The following TIGD1 variants were observed in gnomAD, a reference collection of about 807,000 sequenced individuals.
TIGD1 encodes tigger transposable element-derived protein 1.
In TIGD1, 20 loss-of-function variants were observed where a neutral mutation model predicts 21.3. That is an observed-to-expected ratio of 0.94 (90% CI 0.66 to 1.36). The LOEUF is 1.36. TIGD1 is among the 40% of genes most tolerant of loss of function. TIGD1 has a pLI of 0.00. For missense variants in TIGD1, 556 were observed against 350.5 expected (o/e 1.59, Z -4.68); for synonymous variants, 177 against 123.2 (o/e 1.44, Z -2.89).
chr2:232,545,037 C>T lies in TIGD1; in HGVS notation c.*3070G>A, dbSNP rs979695455. The T allele has an allele frequency of 8.9e-7, 1 of 1,121,942 alleles. No individual in the cohort carries two copies. The highest frequency in any genetic ancestry group is 2.0e-5 in the Admixed American group (1 of 50,160). 69.5% of individuals were successfully genotyped at this position (1,121,942 alleles called of 1,614,324 possible). On this transcript the variant is annotated 3_prime_UTR_variant, in exon 1 of 1. Coordinates refer to ENST00000408957, the MANE Select transcript of TIGD1 (RefSeq NM_145702.4). Reference sequence around the variant, plus strand: ...TGAGGCCGGGTGCAGTGGGTCACACCTGTAATCCCAGTACTTTGGGAGGCC... The same window carrying T: ...TGAGGCCGGGTGCAGTGGGTCACACTTGTAATCCCAGTACTTTGGGAGGCC...
rs1203732952 is a variant in TIGD1, at chr2:232,548,303, A to T, written c.1580T>A (p.Ile527Asn). ...ATGAAAGATTTCTCTGTAGCATGCG[A>T]TGCTGTTTGATAGCATTTTGCCCAC... ...STVGKMLSNS[I>N]ACYREIFHER... Residue 527 changes from isoleucine (I) to asparagine (N), a missense_variant, in exon 1 of 1, where the codon ATC becomes AAC. Physicochemically the swap from Ile to Asn is moderately radical, Grantham distance 149 (BLOSUM62 -3). Transcript: ENST00000408957. 1.3e-6 allele frequency: 2 copies of T among 1,514,164 alleles called. No homozygotes were observed. Among genetic ancestry groups the T allele is most frequent in the Non-Finnish European group, 1.8e-6 (2 of 1,132,010 alleles). The allele number at this position is 1,514,164 out of a possible 1,614,324, so 93.8% of individuals were successfully genotyped here.
At position 232,544,653 on chromosome 2, in the gene TIGD1, G is replaced by A; in HGVS notation, c.*3454C>T. Reference sequence around the variant, plus strand: ...AGCTGGGGAGCCAGGCACAGCAGATGAGTGCTGGAGAAGTGCCCAGGTCAG... The same window carrying A: ...AGCTGGGGAGCCAGGCACAGCAGATAAGTGCTGGAGAAGTGCCCAGGTCAG... On this transcript the variant is annotated 3_prime_UTR_variant, in exon 1 of 1. Coordinates refer to ENST00000408957, the MANE Select transcript of TIGD1 (RefSeq NM_145702.4). The A allele has an allele frequency of 6.4e-7, 1 of 1,560,792 alleles. No individual in the cohort carries two copies. Among genetic ancestry groups the A allele is most frequent in the Admixed American group, 1.7e-5 (1 of 59,942 alleles).
chr2:232,546,304 TC>T lies in TIGD1; in HGVS notation c.*1802del, dbSNP rs1553578775. On this transcript the variant is annotated 3_prime_UTR_variant, in exon 1 of 1. Coordinates refer to ENST00000408957, the MANE Select transcript of TIGD1 (RefSeq NM_145702.4). ...CAAGACGATTTCCTGAGTTTTGTAA[TC>T]CTCTTTTTTTTTTTTTTTTTTTTAG... The T allele has an allele frequency of 8.2e-6, 1 of 122,420 alleles. No homozygotes were observed. Among genetic ancestry groups the T allele is most frequent in the East Asian group, 2.8e-4 (1 of 3,592 alleles). 7.6% of individuals were successfully genotyped at this position (122,420 alleles called of 1,614,324 possible).
Position 232,544,564 on chromosome 2 carries a change from A to T in TIGD1, c.*3543T>A, listed in dbSNP as rs368057603. ...GGCAGCGGCAAGGGCTGGTGGCGGC[A>T]GCGCTGGAGAAGCTAGGTGAGACAC... is the stretch of plus-strand genomic sequence containing the variant. On this transcript the variant is annotated 3_prime_UTR_variant, in exon 1 of 1. Transcript: ENST00000408957. 3 of 1,613,132 alleles carry T rather than the reference A, an allele frequency of 1.9e-6. No homozygotes were observed. The African/African-American group carries it at 4.0e-5, about 22-fold the overall frequency.
chr2:232,546,008 A>C lies in TIGD1; in HGVS notation c.*2099T>G. 1 of 535,036 alleles carries C rather than the reference A, an allele frequency of 1.9e-6. No individual in the cohort carries two copies. The highest frequency in any genetic ancestry group is 3.4e-6 in the Non-Finnish European group (1 of 293,948). The allele number at this position is 535,036 out of a possible 1,614,324, so 33.1% of individuals were successfully genotyped here. A position where few individuals can be genotyped will look rare whatever the true frequency, so the allele number is the denominator to read the frequency against. On this transcript the variant is annotated 3_prime_UTR_variant, in exon 1 of 1. Coordinates refer to ENST00000408957, the MANE Select transcript of TIGD1 (RefSeq NM_145702.4). ...CTCAGTGCACTCCCCTCACTTAGGC[A>C]AAGCATTATTCATTCCCATCAGTCT...
Position 232,548,895 on chromosome 2 carries a change from T to C in TIGD1, c.988A>G (p.Ile330Val), listed in dbSNP as rs144356279. The change falls in exon 1 of 1, where the codon ATT (isoleucine) becomes GTT (valine). Residue 330 changes from isoleucine to valine, a missense_variant. Physicochemically the swap from Ile to Val is conservative, Grantham distance 29. Transcript: ENST00000408957. ...VIFMPANTTS[I>V]LQPMDQGVIS... Reference sequence around the variant, plus strand: ...ACCCCTTGATCCATGGGCTGCAGAATGGATGTTGTGTTAGCAGGCATGAAA... The same window carrying C: ...ACCCCTTGATCCATGGGCTGCAGAACGGATGTTGTGTTAGCAGGCATGAAA... 4 of 654,004 alleles carry C rather than the reference T, an allele frequency of 6.1e-6. No homozygotes were observed. The highest frequency in any genetic ancestry group is 3.5e-5 in the African/African-American group (2 of 56,406). The allele number at this position is 654,004 out of a possible 1,614,324, so 40.5% of individuals were successfully genotyped here. A position where few individuals can be genotyped will look rare whatever the true frequency, so the allele number is the denominator to read the frequency against.
In TIGD1 at chr2:232,548,337, T is replaced by G; in HGVS notation, c.1546A>C (p.Ser516Arg). Reference sequence around the variant, plus strand: ...GATAGCATTTTGCCCACAGTAGAGCTTCTTTCAAAATTGGAGTCAATCCTC... The same window carrying G: ...GATAGCATTTTGCCCACAGTAGAGCGTCTTTCAAAATTGGAGTCAATCCTC... The part of the protein sequence containing the change: ...FERIDSNFER[S>R]STVGKMLSNS... The change falls in exon 1 of 1, where the codon AGC (serine) becomes CGC (arginine). Residue 516 changes from serine to arginine, a missense_variant. By Grantham distance (110) the Ser-to-Arg change is moderately radical (BLOSUM62 -1). Transcript: ENST00000408957. 7.2e-7 allele frequency: 1 copy of G among 1,396,430 alleles called. No homozygotes were observed. The highest frequency in any genetic ancestry group is 1.4e-5 in the South Asian group (1 of 73,672). 86.5% of individuals were successfully genotyped at this position (1,396,430 alleles called of 1,614,324 possible).
At position 232,549,660 on chromosome 2, in the gene TIGD1, G is replaced by A. The variant is rs1225074347; in HGVS notation, c.223C>T (p.Arg75Ter). Residue 75 changes from arginine to a stop codon, truncating the protein, a stop_gained, in exon 1 of 1, where the codon CGA (arginine) becomes TGA (stop). Transcript: ENST00000408957. LOFTEE classifies it high-confidence loss of function. ...TPMNTRMIRK[R>*]NSLIADMEKV... ...TCCATATCAGCAATAAGGCTGTTTC[G>A]CTTTCTTATCATTCGTGTGTTCATT... 4 of 723,620 alleles carry A rather than the reference G, an allele frequency of 5.5e-6. No homozygotes were observed. In the Admixed American group the frequency reaches 6.0e-5, roughly 11 times the overall value. The allele number at this position is 723,620 out of a possible 1,614,324, so 44.8% of individuals were successfully genotyped here.
Position 232,544,980 on chromosome 2 carries a change from T to C in TIGD1, c.*3127A>G. On this transcript the variant is annotated 3_prime_UTR_variant, in exon 1 of 1. Transcript: ENST00000408957. ...CGTGATAGAGACAGGATGAGTGGGG[T>C]TGCCAAGATAGGGCAGTGGGATGGA... is the stretch of plus-strand genomic sequence containing the variant. The C allele has an allele frequency of 6.3e-7, 1 of 1,587,852 alleles. No homozygotes were observed. Among genetic ancestry groups the C allele is most frequent in the Non-Finnish European group, 8.6e-7 (1 of 1,162,140 alleles).
chr2:232,549,265 C>T lies in TIGD1; in HGVS notation c.618G>A (p.Glu206=), dbSNP rs1197246451. 1.5e-6 allele frequency: 1 copy of T among 665,702 alleles called. No individual in the cohort carries two copies. The highest frequency in any genetic ancestry group is 2.8e-5 in the East Asian group (1 of 35,822). The allele number at this position is 665,702 out of a possible 1,614,324, so 41.2% of individuals were successfully genotyped here. A position where few individuals can be genotyped will look rare whatever the true frequency, so the allele number is the denominator to read the frequency against. Residue 206 remains glutamate (E), a synonymous_variant, in exon 1 of 1, where the codon GAG becomes GAA. Transcript: ENST00000408957. ...MPSRTFIARE[E]KSVPGFKASK... is the part of the protein sequence containing the mutation. ...AAGCTTTGAAGCCAGGCACTGACTT[C>T]TCCTCTCTAGCTATGAAAGTTCTAG... is the stretch of plus-strand genomic sequence containing the variant.
In TIGD1 at chr2:232,548,557, T is replaced by G. The variant is rs1208146085; in HGVS notation, c.1326A>C (p.Glu442Asp). ...AKELELEVEP[E>D]DVTELLQSHD... ...GAGATTGCAGCAATTCAGTTACATC[T>G]TCAGGCTCTACTTCTAATTCTAGTT... The change falls in exon 1 of 1, where the codon GAA becomes GAC. Residue 442 changes from glutamate to aspartate, a missense_variant. Coordinates refer to ENST00000408957, the MANE Select transcript of TIGD1 (RefSeq NM_145702.4). 1.6e-6 allele frequency: 1 copy of G among 631,190 alleles called. No individual in the cohort carries two copies. Among genetic ancestry groups the G allele is most frequent in the Middle Eastern group, 4.2e-4 (1 of 2,398 alleles). 39.1% of individuals were successfully genotyped at this position (631,190 alleles called of 1,614,324 possible). A position where few individuals can be genotyped will look rare whatever the true frequency, so the allele number is the denominator to read the frequency against.
At position 232,545,126 on chromosome 2, in the gene TIGD1, A is replaced by C. The variant is rs1434545297; in HGVS notation, c.*2981T>G. ...AGCCTGGCCAACATGGCAAAACCCT[A>C]TCTCTACCAAAAATACCAAAAATAC... is the stretch of plus-strand genomic sequence containing the variant. On this transcript the variant is annotated 3_prime_UTR_variant, in exon 1 of 1. Transcript: ENST00000408957. Among the ~76,000 whole-genome samples, 1 of 152,052 alleles carries C rather than the reference A, an allele frequency of 6.6e-6. No homozygotes were observed. The highest frequency in any genetic ancestry group is 1.5e-5 in the Non-Finnish European group (1 of 67,986).
At position 232,549,059 on chromosome 2, in the gene TIGD1, C is replaced by A. The variant is rs1164236911; in HGVS notation, c.824G>T (p.Trp275Leu). The change falls in exon 1 of 1, where the codon TGG (tryptophan) becomes TTG (leucine). Residue 275 changes from tryptophan to leucine, a missense_variant. Transcript: ENST00000408957. ...AGTGGGTTTAAAATATTCAGTAAAC[C>A]ACGCTGTAAACAGATGTGCTGTCAT... ...ARMTAHLFTAWFTEYFKPTVE... is the reference protein window; with the variant it reads ...ARMTAHLFTALFTEYFKPTVE... The A allele has an allele frequency of 7.0e-6, 5 of 712,940 alleles. No homozygotes were observed. The highest frequency in any genetic ancestry group is 1.3e-5 in the Non-Finnish European group (5 of 384,104). 44.2% of individuals were successfully genotyped at this position (712,940 alleles called of 1,614,324 possible).
rs1035281926 is a variant in TIGD1, at chr2:232,547,616, T to C, written c.*491A>G. ...TGAGTCTGTGTCTGTGCATGCACAGTGTGTTTGAAGCAAGAGCAGAGTCAG... is the reference window on the plus strand; with the variant it reads ...TGAGTCTGTGTCTGTGCATGCACAGCGTGTTTGAAGCAAGAGCAGAGTCAG... On this transcript the variant is annotated 3_prime_UTR_variant, in exon 1 of 1. Coordinates refer to ENST00000408957, the MANE Select transcript of TIGD1 (RefSeq NM_145702.4). 6.6e-6 allele frequency among the ~76,000 whole-genome samples: 1 copy of C among 152,004 alleles called. No homozygotes were observed. The highest frequency in any genetic ancestry group is 2.4e-5 in the African/African-American group (1 of 41,364).
rs1028750927 is a variant in TIGD1 at position 232,548,635 on chromosome 2, C to G, written c.1248G>C (p.Gly416=). Residue 416 remains glycine (G), a synonymous_variant, in exon 1 of 1, where the codon GGG becomes GGC. Transcript: ENST00000408957. The part of the protein sequence containing the change: ...LIPTLIDDYE[G]FKTSVEEVSA... The stretch of plus-strand genomic sequence containing the variant: ...TTACTTCCTCCACTGAAGTCTTGAA[C>G]CCCTCATAGTCATCAATGAGGGTGG... 1.9e-6 allele frequency: 1 copy of G among 517,398 alleles called. No individual in the cohort carries two copies. Among genetic ancestry groups the G allele is most frequent in the Admixed American group, 2.3e-5 (1 of 43,706 alleles). The allele number at this position is 517,398 out of a possible 1,614,324, so 32.1% of individuals were successfully genotyped here.
chr2:232,544,290 A>G lies in TIGD1; in HGVS notation c.*3817T>C. 9.0e-7 allele frequency: 1 copy of G among 1,111,820 alleles called. No individual in the cohort carries two copies. Among genetic ancestry groups the G allele is most frequent in the South Asian group, 1.2e-5 (1 of 80,924 alleles). The allele number at this position is 1,111,820 out of a possible 1,614,324, so 68.9% of individuals were successfully genotyped here. The stretch of plus-strand genomic sequence containing the variant: ...TGCTGCCTCCATGGTCCCTAGCAGC[A>G]CAAGCCCTTCACGCCAACCTCTGGC... On this transcript the variant is annotated 3_prime_UTR_variant, in exon 1 of 1. Transcript: ENST00000408957.
rs553155502 is a variant in TIGD1, at chr2:232,548,634, A to AC, written c.1248dup (p.Phe417ValfsTer26). 7.3e-5 allele frequency: 38 copies of AC among 519,064 alleles called. 1 individual carries two copies. The highest frequency in any genetic ancestry group is 6.2e-4 in the South Asian group (37 of 59,982). The allele number at this position is 519,064 out of a possible 1,614,324, so 32.2% of individuals were successfully genotyped here. ...CTTACTTCCTCCACTGAAGTCTTGA[A>AC]CCCCTCATAGTCATCAATGAGGGTG... On this transcript the variant is annotated frameshift_variant, in exon 1 of 1. Transcript: ENST00000408957. LOFTEE classifies it high-confidence loss of function.
At position 232,548,994 on chromosome 2, in the gene TIGD1, T is replaced by C. The variant is rs1045384634; in HGVS notation, c.889A>G (p.Ile297Val). 4.7e-5 allele frequency: 33 copies of C among 699,112 alleles called. No individual in the cohort carries two copies. The highest frequency in any genetic ancestry group is 3.7e-4 in the Middle Eastern group (1 of 2,712). The allele number at this position is 699,112 out of a possible 1,614,324, so 43.3% of individuals were successfully genotyped here. ...GGGGCATTGTCAATGAGCAGTAATATTTTGAAAGGAATCTTCTTTTCTGAG... is the reference window on the plus strand; with the variant it reads ...GGGGCATTGTCAATGAGCAGTAATACTTTGAAAGGAATCTTCTTTTCTGAG... ...YCSEKKIPFKILLLIDNAPSH... is the reference protein window; with the variant it reads ...YCSEKKIPFKVLLLIDNAPSH... Residue 297 changes from isoleucine to valine, a missense_variant, in exon 1 of 1, where the codon ATA (isoleucine) becomes GTA (valine). Physicochemically the swap from Ile to Val is conservative, Grantham distance 29 (BLOSUM62 3). Coordinates refer to ENST00000408957, the MANE Select transcript of TIGD1 (RefSeq NM_145702.4).
In TIGD1 at chr2:232,550,557, C is replaced by T. The variant is rs1574652380; in HGVS notation, c.-675G>A. 2.3e-6 allele frequency: 2 copies of T among 877,920 alleles called. No individual in the cohort carries two copies. The highest frequency in any genetic ancestry group is 1.8e-6 in the Non-Finnish European group (1 of 550,586). 54.4% of individuals were successfully genotyped at this position (877,920 alleles called of 1,614,324 possible). A position where few individuals can be genotyped will look rare whatever the true frequency, so the allele number is the denominator to read the frequency against. ...CTCCGCCGCTGAGTCCAGCCCTCTG[C>T]GCAGCCGCCCTGAGCTGGCGTCCCG... is the stretch of plus-strand genomic sequence containing the variant. On this transcript the variant is annotated 5_prime_UTR_variant, in exon 1 of 1. Transcript: ENST00000408957.
Sources: gnomAD v4.1 joint callset for allele counts (sites outside exome capture counted in the v4.1 genomes callset) on GRCh38, gnomAD v4.1.1 for gene constraint, MANE v1.5 for transcripts, NCBI Gene and HGNC (gene_info 2026-07-23, HGNC 2026-07-21) for gene names.